Variants in FOXN4 observed in about 807,000 individuals in gnomAD.
FOXN4 encodes the protein forkhead box N4.
FOXN4 carries 12 observed loss-of-function variants against 45.0 expected under a neutral mutation model. The observed-to-expected ratio is 0.27, with a 90% CI of 0.17 to 0.43. The LOEUF (loss-of-function observed/expected upper bound fraction) is 0.43. Ranked by LOEUF, FOXN4 falls within the 20% of genes least tolerant of loss-of-function variation. The probability of loss-of-function intolerance (pLI) is 1.00; values close to 1 mark genes in which losing one functional copy is unlikely to be tolerated. For synonymous variants in FOXN4, 297 were observed against 295.0 expected, an observed-to-expected ratio of 1.01 and a Z score of -0.07; for missense variants, 560 against 694.9, an observed-to-expected ratio of 0.81 and a Z score of 2.18.
chr12:109,295,655 G>A (rs992201698), intron 2 of FOXN4, among the ~76,000 whole-genome samples: 2 of 152,230 alleles, frequency 1.3e-5, no homozygotes, highest in African/African-American at 2.4e-5. Context: ...GCACGGCGGC[G>A]TGCGCCTGTA....
At chr12:109,299,989 T>TCTGCAG (rs1049039605) in intron 2 of FOXN4, among the ~76,000 whole-genome samples, 3 of 152,192 alleles carry the variant, frequency 2.0e-5, no homozygotes, top group African/African-American at 7.2e-5. Flanking sequence ...GTGAGAATTG[T>TCTGCAG]CTGCAGCTGT....
In FOXN4 at chr12:109,285,377, G is replaced by A; in HGVS notation, c.828C>T (p.Asp276=). ...ACTTGTGCATCTCCTCCTCCATCTTGTCGATGCGGGCCAGGTTCAGAGCCC... is the reference window on the plus strand; with the variant it reads ...ACTTGTGCATCTCCTCCTCCATCTTATCGATGCGGGCCAGGTTCAGAGCCC... The part of the protein sequence containing the change: ...CLWALNLARI[D]KMEEEMHKWK... The change falls in exon 8 of 10, where the codon GAC becomes GAT. Residue 276 remains aspartate (D), a synonymous_variant. Coordinates refer to ENST00000299162, the MANE Select transcript of FOXN4 (RefSeq NM_213596.3). 6.2e-7 allele frequency: 1 copy of A among 1,613,964 alleles called. No homozygotes were observed. Among genetic ancestry groups the A allele is most frequent in the Non-Finnish European group, 8.5e-7 (1 of 1,179,880 alleles).
chr12:109,305,940 A>G (rs1401170988), intron 2 of FOXN4, among the ~76,000 whole-genome samples: 1 of 152,092 alleles, frequency 6.6e-6, no homozygotes, highest in Non-Finnish European at 1.5e-5. Flanking sequence ...CAGGCCCCCA[A>G]GAAGTTCTCT....
chr12:109,279,323 G>A lies in FOXN4; in HGVS notation c.*348C>T, dbSNP rs558856821. On this transcript the variant is annotated 3_prime_UTR_variant, in exon 10 of 10. Coordinates refer to ENST00000299162, the MANE Select transcript of FOXN4 (RefSeq NM_213596.3). ...ATGGGGTGCAGGTCACTGAGGTCAC[G>A]CAGCCAGGATCCAGGATGGAGAAGT... 7.3e-4 allele frequency: 250 copies of A among 344,810 alleles called. 1 individual carries two copies. In the Middle Eastern group the frequency reaches 8.1e-3, roughly 11 times the overall value. 21.4% of individuals were successfully genotyped at this position (344,810 alleles called of 1,614,324 possible).
Position 109,309,131 on chromosome 12 carries a change from C to T in FOXN4, c.-16G>A, listed in dbSNP as rs2047945858. 1 of 152,230 alleles carries T rather than the reference C, an allele frequency of 6.6e-6. No homozygotes were observed. Among genetic ancestry groups the T allele is most frequent in the Non-Finnish European group, 1.5e-5 (1 of 68,056 alleles). The allele number at this position is 152,230 out of a possible 1,614,324, so 9.4% of individuals were successfully genotyped here. On this transcript the variant is annotated 5_prime_UTR_variant, in exon 1 of 10. Coordinates refer to ENST00000299162, the MANE Select transcript of FOXN4 (RefSeq NM_213596.3). This position sits in a 1 kb window ranked among gnomAD's most constrained non-coding sequence, Gnocchi z 5.0. The stretch of plus-strand genomic sequence containing the variant: ...TGCAAGGCGGTACCTGGAGCCGATC[C>T]TCGCGGGGCCGCCGCTGCCGGCGCT...
In FOXN4 at chr12:109,285,368, C is replaced by A; in HGVS notation, c.837G>T (p.Glu279Asp). ...TCCTCTTCCACTTGTGCATCTCCTC[C>A]TCCATCTTGTCGATGCGGGCCAGGT... ...ALNLARIDKM[E>D]EEMHKWKRKD... The change falls in exon 8 of 10, where the codon GAG becomes GAT. Residue 279 changes from glutamate to aspartate, a missense_variant. Coordinates refer to ENST00000299162, the MANE Select transcript of FOXN4 (RefSeq NM_213596.3). 6.2e-7 allele frequency: 1 copy of A among 1,613,960 alleles called. No homozygotes were observed. The highest frequency in any genetic ancestry group is 1.1e-5 in the South Asian group (1 of 91,066).
chr12:109,297,090 A>T (rs1270231592), intron 2 of FOXN4, among the ~76,000 whole-genome samples: 1 of 152,166 alleles, frequency 6.6e-6, no homozygotes, highest in Non-Finnish European at 1.5e-5. Context: ...GGCCACAACA[A>T]CCCTGTCCTT....
chr12:109,301,973 C>A (rs2047872655), intron 2 of FOXN4, among the ~76,000 whole-genome samples: 1 of 152,248 alleles, frequency 6.6e-6, no homozygotes, highest in African/African-American at 2.4e-5. Flanking sequence ...GAAGCCCTCC[C>A]AGACCAGTTC....
At position 109,290,185 on chromosome 12, in the gene FOXN4, C is replaced by T; in HGVS notation, c.188G>A (p.Gly63Asp). Residue 63 changes from glycine (G) to aspartate (D), a missense_variant, in exon 3 of 10, where the codon GGC (glycine) becomes GAC (aspartate). Physicochemically the swap from Gly to Asp is moderately conservative, Grantham distance 94. Transcript: ENST00000299162. The surrounding 1 kb of genome is among the most constrained non-coding windows in gnomAD (Gnocchi z 5.1). ...GCAGGGGCCACCCAGGTCCACGCGG[C>T]CACTTGCCATCTGCTGCAGCCGAGG... ...DVPRLQQMAS[G>D]RVDLGGPCVP... 2 of 1,551,356 alleles carry T rather than the reference C, an allele frequency of 1.3e-6. No individual in the cohort carries two copies. The highest frequency in any genetic ancestry group is 1.7e-6 in the Non-Finnish European group (2 of 1,146,886).
At position 109,290,381 on chromosome 12, in the gene FOXN4, C is replaced by T; in HGVS notation, c.87-95G>A. ...CTCTGGAAGCACCCGCTTAATGTGC[C>T]TCATCTCCCCAAGCCACGCCAGCCC... is the stretch of plus-strand genomic sequence containing the variant. On this transcript the variant is annotated intron_variant, in intron 2 of 9. Transcript: ENST00000299162. The surrounding 1 kb of genome is among the most constrained non-coding windows in gnomAD (Gnocchi z 5.1). The T allele has an allele frequency of 7.1e-7, 1 of 1,413,182 alleles. No individual in the cohort carries two copies. The highest frequency in any genetic ancestry group is 9.4e-7 in the Non-Finnish European group (1 of 1,065,758). The allele number at this position is 1,413,182 out of a possible 1,614,324, so 87.5% of individuals were successfully genotyped here.
At chr12:109,301,285 G>A (rs1015140848) in intron 2 of FOXN4, among the ~76,000 whole-genome samples, 2 of 152,172 alleles carry the variant, frequency 1.3e-5, no homozygotes. Flanking sequence ...TCTCAGTTCG[G>A]GGTAGGCAAA....
At chr12:109,282,582 G>A (rs944459232) in intron 8 of FOXN4, among the ~76,000 whole-genome samples, 3 of 152,124 alleles carry the variant, frequency 2.0e-5, no homozygotes, top group Admixed American at 6.5e-5. Flanking sequence ...AGGTAAGGCC[G>A]CGATTACAAA....
At chr12:109,285,559 C>T in intron 7 of FOXN4, 48 bp from the exon 8 acceptor site, 1 of 1,604,638 alleles carries the variant, frequency 6.2e-7, no homozygotes, top group Non-Finnish European at 8.5e-7. Flanking sequence ...AGCCCTTCCC[C>T]CTACCCCGGG....
At chr12:109,293,559 A>T (rs924236440) in intron 2 of FOXN4, among the ~76,000 whole-genome samples, 2 of 152,172 alleles carry the variant, frequency 1.3e-5, no homozygotes, top group Non-Finnish European at 2.9e-5. Flanking sequence ...ATGTAGTGGC[A>T]CGATCTCGGC....
At chr12:109,294,071 C>A (rs2136933858) in intron 2 of FOXN4, among the ~76,000 whole-genome samples, 1 of 152,316 alleles carries the variant, frequency 6.6e-6, no homozygotes. Flanking sequence ...AGGTGGAGAT[C>A]AGACGTCTTC....
chr12:109,280,193 A>G (rs1474051171), intron 9 of FOXN4, among the ~76,000 whole-genome samples: 1 of 152,036 alleles, frequency 6.6e-6, no homozygotes, highest in Admixed American at 6.6e-5. Context: ...AAATACAAAA[A>G]TTAGCCTGGG....
chr12:109,289,980 T>C (rs566212483), intron 3 of FOXN4, among the ~76,000 whole-genome samples, 161 bp downstream of exon 3: 1 of 152,178 alleles, frequency 6.6e-6, no homozygotes, highest in African/African-American at 2.4e-5. Flanking sequence ...ACCACATCTC[T>C]CTAAGGAAGG....
rs377467789 is a variant in FOXN4 at position 109,290,160 on chromosome 12, G to A, written c.213C>T (p.Cys71=). 4.0e-5 allele frequency: 62 copies of A among 1,549,618 alleles called. No individual in the cohort carries two copies. The highest frequency in any genetic ancestry group is 1.7e-4 in the Middle Eastern group (1 of 6,004). Residue 71 remains cysteine (C), a synonymous_variant, in exon 3 of 10, where the codon TGC becomes TGT. Transcript: ENST00000299162. The surrounding 1 kb of genome is among the most constrained non-coding windows in gnomAD (Gnocchi z 5.1). ...ASGRVDLGGP[C]VPHPHPGALA... ...GCCTACCTGGGTGTGGATGTGGCAC[G>A]CAGGGGCCACCCAGGTCCACGCGGC...
At chr12:109,294,566 G>A (rs1003701168) in intron 2 of FOXN4, among the ~76,000 whole-genome samples, 6 of 152,122 alleles carry the variant, frequency 3.9e-5, no homozygotes, top group Non-Finnish European at 5.9e-5. Context: ...CACCTGACAG[G>A]TGGCCCCAGC....
Sources: allele counts gnomAD v4.1 joint callset (sites outside exome capture counted in the v4.1 genomes callset), GRCh38; gene constraint gnomAD v4.1.1; non-coding constraint Gnocchi (gnomAD v3.1); transcripts MANE v1.5; gene names NCBI Gene and HGNC (gene_info 2026-07-23, HGNC 2026-07-21).